Variants in PDE3A observed in about 807,000 individuals in gnomAD.
PDE3A encodes the protein cGMP-inhibited 3',5'-cyclic phosphodiesterase 3A.
PDE3A carries 43 observed loss-of-function variants against 98.3 expected under a neutral mutation model. The observed-to-expected ratio is 0.44, with a 90% CI of 0.34 to 0.56. The LOEUF (loss-of-function observed/expected upper bound fraction) is 0.56, where lower values mean the gene tolerates loss of function less well. PDE3A is among the 20% of genes least tolerant of loss of function. The pLI is 0.01. For missense variants in PDE3A, 1,427 were observed against 1,440.7 expected (o/e 0.99, Z 0.15); for synonymous variants, 663 against 567.9 (o/e 1.17, Z -2.38).
chr12:20,454,522 G>T (rs1382219599), intron 1 of PDE3A, among the ~76,000 whole-genome samples: 2 of 152,108 alleles, frequency 1.3e-5, no homozygotes, highest in Non-Finnish European at 2.9e-5. Flanking sequence ...GGTTTGTTAT[G>T]TAAGTAAACT....
In PDE3A at chr12:20,555,258, C is replaced by T. The variant is rs866046966; in HGVS notation, c.961-1402C>T. Among the ~76,000 whole-genome samples the T allele has an allele frequency of 4.6e-5, 7 of 152,324 alleles. No individual in the cohort carries two copies. In the South Asian group the frequency reaches 1.2e-3, roughly 27 times the overall value. ...CGAACTCCTCACCACAGGAAATCCG[C>T]CCGCCTTGGCTTCCCTAAATACTAG... On this transcript the variant is annotated intron_variant, in intron 1 of 15. Transcript: ENST00000359062.
intron 2 of PDE3A, among the ~76,000 whole-genome samples, chr12:20,592,870 A>G (rs563152901): frequency 6.6e-6 from 1 of 152,298 alleles, no homozygotes; most frequent in Admixed American, 6.5e-5. Context: ...GATTCTCTAA[A>G]CAGTTGAGAA....
At chr12:20,514,897 A>G (rs1001329250) in intron 1 of PDE3A, among the ~76,000 whole-genome samples, 1 of 152,244 alleles carries the variant, frequency 6.6e-6, no homozygotes, top group African/African-American at 2.4e-5. Context: ...CTGTAACAGA[A>G]TACCTGACAC....
chr12:20,684,091 T>G lies in PDE3A; in HGVS notation c.*3820T>G, dbSNP rs1945880880. The G allele has an allele frequency of 6.6e-6, 1 of 152,142 alleles. No individual in the cohort carries two copies. The highest frequency in any genetic ancestry group is 2.4e-5 in the African/African-American group (1 of 41,452). The allele number at this position is 152,142 out of a possible 1,614,324, so 9.4% of individuals were successfully genotyped here. On this transcript the variant is annotated 3_prime_UTR_variant, in exon 16 of 16. Transcript: ENST00000359062. ...TATCATTATAAATAAAGTCTAAAGT[T>G]TGAAATTATTAATTTATAAAAGTGA... is the stretch of plus-strand genomic sequence containing the variant.
chr12:20,647,111 G>A (rs1480141482), intron 12 of PDE3A, among the ~76,000 whole-genome samples, 161 bp downstream of exon 12: 2 of 152,092 alleles, frequency 1.3e-5, no homozygotes, highest in Admixed American at 6.5e-5. Context: ...AAGAAGCCAT[G>A]GATTCTTCCA....
chr12:20,498,961 G>T (rs939621769), intron 1 of PDE3A, among the ~76,000 whole-genome samples: 1 of 152,126 alleles, frequency 6.6e-6, no homozygotes, highest in Non-Finnish European at 1.5e-5. Flanking sequence ...TGAAAGAGAA[G>T]GACCAATGAT....
Position 20,398,749 on chromosome 12 carries a change from C to T in PDE3A, c.960+28505C>T, listed in dbSNP as rs571585956. Among the ~76,000 whole-genome samples, 3 of 152,180 alleles carry T rather than the reference C, an allele frequency of 2.0e-5. No homozygotes were observed. The South Asian group carries it at 6.2e-4, about 32-fold the overall frequency. ...CAAAACTTTTGTTTACTCATTCATT[C>T]CTAGAATTTCAGTATTTTAAGAAGT... On this transcript the variant is annotated intron_variant, in intron 1 of 15. Transcript: ENST00000359062.
At chr12:20,648,335 CCCT>C (rs1292530823) in intron 12 of PDE3A, among the ~76,000 whole-genome samples, 6 of 149,018 alleles carry the variant, frequency 4.0e-5, no homozygotes, top group Admixed American at 4.0e-4. Context: ...TTTTCTTTCT[CCCT>C]CCTCTTTTCT....
chr12:20,670,968 A>G (rs1461537680), intron 15 of PDE3A, among the ~76,000 whole-genome samples: 5 of 122,986 alleles, frequency 4.1e-5, no homozygotes, highest in African/African-American at 1.4e-4. Flanking sequence ...TAATAAAGAA[A>G]AAAAGAGAGA....
chr12:20,387,097 A>G (rs2120586869), intron 1 of PDE3A, among the ~76,000 whole-genome samples: 1 of 151,996 alleles, frequency 6.6e-6, no homozygotes, highest in South Asian at 2.1e-4. Flanking sequence ...GTGCAGTCAT[A>G]TTTCTGAGTT....
At chr12:20,523,473 C>A (rs1419882178) in intron 1 of PDE3A, among the ~76,000 whole-genome samples, 1 of 152,198 alleles carries the variant, frequency 6.6e-6, no homozygotes, top group Non-Finnish European at 1.5e-5. Flanking sequence ...ATTGAACTTT[C>A]AACAGGCAAA....
chr12:20,464,897 C>T (rs1452432577), intron 1 of PDE3A, among the ~76,000 whole-genome samples: 2 of 152,144 alleles, frequency 1.3e-5, no homozygotes, highest in Non-Finnish European at 2.9e-5. Context: ...TTAGGATAAA[C>T]ATTCTCACCA....
rs753271536 is a variant in PDE3A at position 20,621,336 on chromosome 12, A to G, written c.1465A>G (p.Lys489Glu). The G allele has an allele frequency of 2.5e-6, 4 of 1,611,230 alleles. No individual in the cohort carries two copies. The Admixed American group carries it at 5.0e-5, about 20-fold the overall frequency. Reference sequence around the variant, plus strand: ...TAATCCAGTGATGATGACCCTCACCAAAAGCAGATCCTTTACTTCATCCTA... The same window carrying G: ...TAATCCAGTGATGATGACCCTCACCGAAAGCAGATCCTTTACTTCATCCTA... ...WNNPVMMTLT[K>E]SRSFTSSYAI... Residue 489 changes from lysine (K) to glutamate (E), a missense_variant, in exon 5 of 16, where the codon AAA becomes GAA. By Grantham distance (56) the Lys-to-Glu change is moderately conservative. This residue lies in a region of PDE3A where 1,012 missense variants were observed against 886.5 expected (regional missense o/e 1.14). Coordinates refer to ENST00000359062, the MANE Select transcript of PDE3A (RefSeq NM_000921.5).
chr12:20,586,653 T>C (rs1943204424), intron 2 of PDE3A, among the ~76,000 whole-genome samples: 1 of 152,214 alleles, frequency 6.6e-6, no homozygotes, highest in South Asian at 2.1e-4. Flanking sequence ...GAATTATAAT[T>C]GGAAAATAAT....
At chr12:20,422,034 G>T (rs1011752134) in intron 1 of PDE3A, among the ~76,000 whole-genome samples, 7 of 152,130 alleles carry the variant, frequency 4.6e-5, no homozygotes, top group African/African-American at 1.7e-4. Context: ...TAGAACGATT[G>T]CTATATTTAG....
chr12:20,596,605 A>G (rs1165571799), intron 2 of PDE3A, among the ~76,000 whole-genome samples: 2 of 152,188 alleles, frequency 1.3e-5, no homozygotes, highest in Admixed American at 6.5e-5. Flanking sequence ...ACAAGAATCC[A>G]CAAGTTTTTC....
chr12:20,493,704 C>T (rs958792918), intron 1 of PDE3A, among the ~76,000 whole-genome samples: 1 of 152,164 alleles, frequency 6.6e-6, no homozygotes, highest in African/African-American at 2.4e-5. Context: ...AACCTAAGCT[C>T]ACCGCAGCCT....
chr12:20,662,116 A>T (rs1056906987), intron 15 of PDE3A, among the ~76,000 whole-genome samples: 5 of 151,942 alleles, frequency 3.3e-5, no homozygotes, highest in Admixed American at 3.3e-4. Context: ...GCCATGTGAA[A>T]CTGTAAGTCC....
intron 2 of PDE3A, among the ~76,000 whole-genome samples, chr12:20,603,818 A>G (rs1387753838): frequency 6.6e-6 from 1 of 152,204 alleles, no homozygotes; most frequent in East Asian, 1.9e-4. Flanking sequence ...TTAATCATCA[A>G]TTACACTATA....
Sources: gnomAD v4.1 joint callset for allele counts (sites outside exome capture counted in the v4.1 genomes callset) on GRCh38, gnomAD v4.1.1 for gene constraint, gnomAD v4.1.1 regional missense constraint, MANE v1.5 for transcripts, NCBI Gene and HGNC (gene_info 2026-07-23, HGNC 2026-07-21) for gene names.